Variants in MAP3K13 observed in about 807,000 individuals in gnomAD.
MAP3K13 encodes leucine zipper-bearing kinase.
MAP3K13 carries 52 observed loss-of-function variants against 104.0 expected under a neutral mutation model. That is an observed-to-expected ratio of 0.50 (90% CI 0.40 to 0.63). The LOEUF is 0.63. MAP3K13 is among the 20% of genes least tolerant of loss of function. The probability of loss-of-function intolerance (pLI) is 0.00; values close to 1 mark genes in which losing one functional copy is unlikely to be tolerated. For missense variants in MAP3K13, 914 were observed against 1,218.5 expected (o/e 0.75, Z 3.72); for synonymous variants, 394 against 442.2 (o/e 0.89, Z 1.37).
intron 13 of MAP3K13, among the ~76,000 whole-genome samples, chr3:185,481,523 C>T (rs1273807630): frequency 1.3e-5 from 2 of 152,010 alleles, no homozygotes; most frequent in Non-Finnish European, 2.9e-5. Flanking sequence ...TCTGAGCCTC[C>T]CCACTCCATA....
chr3:185,398,796 T>G (rs1712584401), intron 1 of MAP3K13, among the ~76,000 whole-genome samples: 1 of 152,180 alleles, frequency 6.6e-6, no homozygotes, highest in African/African-American at 2.4e-5. Context: ...AGACTCATTT[T>G]CTCTAGATGC....
intron 1 of MAP3K13, among the ~76,000 whole-genome samples, chr3:185,427,448 T>C (rs903655981): frequency 6.6e-6 from 1 of 152,164 alleles, no homozygotes; most frequent in Non-Finnish European, 1.5e-5. Context: ...TCTTCACTTT[T>C]AAAGGTTAGG....
chr3:185,455,057 G>A (rs62650461), intron 7 of MAP3K13, among the ~76,000 whole-genome samples: 79,045 of 89,094 alleles, frequency 0.89, 35,111 homozygotes, highest in Non-Finnish European at 0.91. Context: ...TGAGATATAT[G>A]TGAGATATAT....
chr3:185,374,294 G>T (rs1324271403), intron 1 of MAP3K13, among the ~76,000 whole-genome samples: 6 of 152,130 alleles, frequency 3.9e-5, no homozygotes, highest in Admixed American at 2.6e-4. Flanking sequence ...AAGTGTTGGG[G>T]TGGCGAAAAT....
intron 2 of MAP3K13, among the ~76,000 whole-genome samples, chr3:185,291,249 A>G (rs1296301902): frequency 6.6e-6 from 1 of 152,226 alleles, no homozygotes; most frequent in East Asian, 1.9e-4. Context: ...CAGAGATCAA[A>G]AGCTCTTTAA....
At chr3:185,406,251 A>G (rs1176392935) in intron 1 of MAP3K13, among the ~76,000 whole-genome samples, 1 of 152,218 alleles carries the variant, frequency 6.6e-6, no homozygotes, top group Admixed American at 6.5e-5. Context: ...CCGGCAATTT[A>G]GTTCCCAGCC....
At chr3:185,334,371 G>C (rs189360059) in intron 2 of MAP3K13, among the ~76,000 whole-genome samples, 1 of 152,172 alleles carries the variant, frequency 6.6e-6, no homozygotes, top group Admixed American at 6.5e-5. Context: ...ATCTTGAAAA[G>C]TAACAAAAAG....
At chr3:185,402,891 A>G (rs563859226) in intron 1 of MAP3K13, among the ~76,000 whole-genome samples, 12 of 152,216 alleles carry the variant, frequency 7.9e-5, no homozygotes, top group African/African-American at 1.7e-4. Flanking sequence ...CTGCTGTTCA[A>G]TTCCCCCCTG....
intron 1 of MAP3K13, among the ~76,000 whole-genome samples, chr3:185,399,469 G>T (rs1307487147): frequency 6.6e-6 from 1 of 151,560 alleles, no homozygotes; most frequent in African/African-American, 2.4e-5. Flanking sequence ...TTAGCCGGGC[G>T]TGGTGGCACG....
chr3:185,380,202 C>CA (rs1553796386), intron 1 of MAP3K13, among the ~76,000 whole-genome samples: 2 of 150,382 alleles, frequency 1.3e-5, no homozygotes, highest in Admixed American at 6.6e-5. Flanking sequence ...CAAAACAAAA[C>CA]AAAAAAACAG....
intron 2 of MAP3K13, among the ~76,000 whole-genome samples, chr3:185,295,874 C>A (rs1720903364): frequency 6.6e-6 from 1 of 152,142 alleles, no homozygotes; most frequent in Non-Finnish European, 1.5e-5. Flanking sequence ...TCAACTGATT[C>A]TTCCCACAGC....
Position 185,437,525 on chromosome 3 carries a change from G to T in MAP3K13, c.554G>T (p.Gly185Val). The T allele has an allele frequency of 6.2e-7, 1 of 1,614,054 alleles. No individual in the cohort carries two copies. The highest frequency in any genetic ancestry group is 8.5e-7 in the Non-Finnish European group (1 of 1,179,990). Residue 185 changes from glycine (G) to valine (V), a missense_variant, in exon 3 of 14, where the codon GGC (glycine) becomes GTC (valine). By Grantham distance (109) the Gly-to-Val change is moderately radical (BLOSUM62 -3). This residue lies in a region of MAP3K13 where 175 missense variants were observed against 321.3 expected (regional missense o/e 0.54). Transcript: ENST00000265026. ...GGAGCCCAAGGAGCGGTCTTCTTGG[G>T]CAAGTTCCGGGCGGAAGAGGTGGCC... Reference protein sequence around the residue: ...GSGAQGAVFLGKFRAEEVAIK... With the variant: ...GSGAQGAVFLVKFRAEEVAIK...
chr3:185,285,572 C>G, exon 2 of MAP3K13: 1 of 1,521,328 alleles, frequency 6.6e-7, no homozygotes. Context: ...TAAAGAAACC[C>G]ACGGACCATT....
chr3:185,473,298 T>G lies in MAP3K13; in HGVS notation c.1967T>G (p.Leu656Arg). 6.2e-7 allele frequency: 1 copy of G among 1,614,114 alleles called. No individual in the cohort carries two copies. The highest frequency in any genetic ancestry group is 8.5e-7 in the Non-Finnish European group (1 of 1,180,026). The change falls in exon 11 of 14, where the codon CTC (leucine) becomes CGC (arginine). Residue 656 changes from leucine to arginine, a missense_variant. Transcript: ENST00000265026. This position sits in a 1 kb window ranked among gnomAD's most constrained non-coding sequence, Gnocchi z 4.9. ...PAMSQSHHPR[L>R]NMHGQDIATC... ...ATGTCCCAGAGTCACCATCCCAGACTCAATATGCACGGACAGGACATAGCA... is the reference window on the plus strand; with the variant it reads ...ATGTCCCAGAGTCACCATCCCAGACGCAATATGCACGGACAGGACATAGCA...
intron 2 of MAP3K13, among the ~76,000 whole-genome samples, chr3:185,332,058 G>A (rs1013484804): frequency 1.3e-5 from 2 of 152,122 alleles, no homozygotes; most frequent in African/African-American, 2.4e-5. Flanking sequence ...TGTTTCCAGT[G>A]TCTTCCTATT....
At chr3:185,481,710 C>T (rs1337768661) in intron 13 of MAP3K13, among the ~76,000 whole-genome samples, 1 of 152,172 alleles carries the variant, frequency 6.6e-6, no homozygotes, top group Non-Finnish European at 1.5e-5. Context: ...AGCCACTTAA[C>T]CTCTCTGTAA....
At chr3:185,422,494 A>G (rs757231589) in intron 1 of MAP3K13, among the ~76,000 whole-genome samples, 6 of 152,202 alleles carry the variant, frequency 3.9e-5, no homozygotes, top group African/African-American at 2.4e-5. Context: ...TCCACTTTAC[A>G]TTCATCCTTA....
At chr3:185,378,652 G>A (rs1299586130) in intron 1 of MAP3K13, among the ~76,000 whole-genome samples, 1 of 152,058 alleles carries the variant, frequency 6.6e-6, no homozygotes, top group Non-Finnish European at 1.5e-5. Context: ...AGAAAAGAAG[G>A]ATTCAAAGGA....
intron 1 of MAP3K13, among the ~76,000 whole-genome samples, chr3:185,382,318 A>G (rs1264395769): frequency 6.6e-6 from 1 of 152,208 alleles, no homozygotes; most frequent in East Asian, 1.9e-4. Flanking sequence ...CCAATATCTT[A>G]CTCATCAAAA....
Sources: allele counts gnomAD v4.1 joint callset (sites outside exome capture counted in the v4.1 genomes callset), GRCh38; gene constraint gnomAD v4.1.1; regional missense constraint gnomAD v4.1.1; non-coding constraint Gnocchi (gnomAD v3.1); transcripts MANE v1.5; gene names NCBI Gene and HGNC (gene_info 2026-07-23, HGNC 2026-07-21).